Variants in LMTK3 observed in about 807,000 individuals in gnomAD.
The protein encoded by LMTK3 is serine/threonine-protein kinase LMTK3.
In LMTK3, 27 loss-of-function variants were observed where a neutral mutation model predicts 116.7. The ratio of observed to expected loss-of-function variants is 0.23; its 90% CI spans 0.17 to 0.32. The LOEUF is 0.32. Ranked by LOEUF, LMTK3 falls within the 10% of genes least tolerant of loss-of-function variation. LMTK3 has a pLI of 1.00. For missense variants in LMTK3, 1,764 were observed against 2,068.5 expected, an observed-to-expected ratio of 0.85 and a Z score of 2.86; for synonymous variants, 965 against 971.0, an observed-to-expected ratio of 0.99 and a Z score of 0.11.
chr19:48,508,619 G>A (rs1160457607), intron 5 of LMTK3, among the ~76,000 whole-genome samples: 1 of 152,118 alleles, frequency 6.6e-6, no homozygotes, highest in Non-Finnish European at 1.5e-5. Context: ...AGAGGGGAGA[G>A]GAGCAGGCCT....
In LMTK3 at chr19:48,485,523, G is replaced by T; in HGVS notation, c.*250C>A. 1 of 542,670 alleles carries T rather than the reference G, an allele frequency of 1.8e-6. No homozygotes were observed. The highest frequency in any genetic ancestry group is 3.3e-6 in the Non-Finnish European group (1 of 302,168). 33.6% of individuals were successfully genotyped at this position (542,670 alleles called of 1,614,324 possible). On this transcript the variant is annotated 3_prime_UTR_variant, in exon 15 of 15. Coordinates refer to ENST00000600059, the MANE Select transcript of LMTK3 (RefSeq NM_001388485.1). The stretch of plus-strand genomic sequence containing the variant: ...GAGAAAGGCGGCTCTCTATGGAGGG[G>T]CGGGGGGATTCCTGCCTCATTTGGC...
At chr19:48,505,307 T>G (rs993043045) in intron 5 of LMTK3, among the ~76,000 whole-genome samples, 3 of 151,962 alleles carry the variant, frequency 2.0e-5, no homozygotes, top group African/African-American at 7.2e-5. Flanking sequence ...AGAGACGGGA[T>G]TTCACCATGT....
At position 48,499,914 on chromosome 19, in the gene LMTK3, A is replaced by G; in HGVS notation, c.1155T>C (p.Tyr385=). The G allele has an allele frequency of 6.3e-7, 1 of 1,586,834 alleles. No homozygotes were observed. Among genetic ancestry groups the G allele is most frequent in the African/African-American group, 1.3e-5 (1 of 74,618 alleles). ...RLKLPYADYW[Y]DILQSCWRPP... is the part of the protein sequence containing the mutation. ...GCCGCCAGCAGGACTGAAGAATGTC[A>G]TACCTGGGGAGAGGTGGGGCAGAGT... The change falls in exon 11 of 15, where the codon TAT becomes TAC. Residue 385 remains tyrosine (Y), a synonymous_variant. Transcript: ENST00000600059.
chr19:48,506,448 G>T (rs1972572332), intron 5 of LMTK3, among the ~76,000 whole-genome samples: 1 of 152,080 alleles, frequency 6.6e-6, no homozygotes, highest in Non-Finnish European at 1.5e-5. Context: ...GAACATTTCA[G>T]GCTTGCAGCC....
intron 5 of LMTK3, 38 bp from the exon 6 acceptor site, chr19:48,503,034 C>CA: frequency 7.7e-7 from 1 of 1,302,030 alleles, no homozygotes; most frequent in South Asian, 1.2e-5. Context: ...GGAAGGCAGC[C>CA]CCTTCCTCTT....
intron 5 of LMTK3, among the ~76,000 whole-genome samples, chr19:48,506,533 C>T (rs1286985491): frequency 1.3e-5 from 2 of 152,186 alleles, no homozygotes; most frequent in Non-Finnish European, 2.9e-5. Flanking sequence ...GAGGCAGAGC[C>T]ACTTGTGTGC....
At chr19:48,509,967 A>G in intron 3 of LMTK3, 56 bp downstream of exon 3, 1 of 1,594,912 alleles carries the variant, frequency 6.3e-7, no homozygotes, top group Non-Finnish European at 8.6e-7. Flanking sequence ...CACACTCAAC[A>G]TCTTCTGGCC....
intron 12 of LMTK3, 94 bp downstream of exon 12, chr19:48,493,600 T>A: frequency 1.8e-6 from 2 of 1,121,510 alleles, no homozygotes; most frequent in Non-Finnish European, 2.2e-6. Flanking sequence ...CCCGCCCAAC[T>A]CTAAGCTCGG....
At chr19:48,506,122 C>T (rs1451780875) in intron 5 of LMTK3, among the ~76,000 whole-genome samples, 2 of 143,608 alleles carry the variant, frequency 1.4e-5, no homozygotes, top group Non-Finnish European at 3.0e-5. Context: ...AGCCTGACAA[C>T]AGAGCAAGAC....
rs769026208 is a variant in LMTK3, at chr19:48,498,326, G to T, written c.2743C>A (p.Gln915Lys). ...ACTGGGAGGCTCAGGCTTGGGGCTTGTTTCCCGTTGCCCAGGACTGTCGGG... is the reference window on the plus strand; with the variant it reads ...ACTGGGAGGCTCAGGCTTGGGGCTTTTTTCCCGTTGCCCAGGACTGTCGGG... ...RDPTVLGNGKQAPSLSLPVNG... is the reference protein window; with the variant it reads ...RDPTVLGNGKKAPSLSLPVNG... Residue 915 changes from glutamine to lysine, a missense_variant, in exon 11 of 15, where the codon CAA becomes AAA. By Grantham distance (53) the Gln-to-Lys change is moderately conservative. Transcript: ENST00000600059. 6.2e-7 allele frequency: 1 copy of T among 1,613,256 alleles called. No homozygotes were observed. The highest frequency in any genetic ancestry group is 2.2e-5 in the East Asian group (1 of 44,840).
At chr19:48,502,701 G>T in intron 6 of LMTK3, 120 bp from the exon 7 acceptor site, 1 of 1,218,506 alleles carries the variant, frequency 8.2e-7, no homozygotes. Context: ...AGTTTCCTCT[G>T]CTGCTTGCAG....
rs774949770 is a variant in LMTK3, at chr19:48,509,478, G to C, written c.397C>G (p.Leu133Val). Residue 133 changes from leucine (L) to valine (V), a missense_variant, in exon 4 of 15, where the codon CTG (leucine) becomes GTG (valine). Leu to Val is a conservative substitution (Grantham distance 32, BLOSUM62 1). Transcript: ENST00000600059. ...TTPLGLSRQHLSYLQEIGSGW... is the reference protein window; with the variant it reads ...TTPLGLSRQHVSYLQEIGSGW... Reference sequence around the variant, plus strand: ...CTCCCAATCTCCTGCAGGTAGCTCAGGTGCTGCCGGCTAAGGCCCAGGGGG... The same window carrying C: ...CTCCCAATCTCCTGCAGGTAGCTCACGTGCTGCCGGCTAAGGCCCAGGGGG... 5.1e-6 allele frequency: 8 copies of C among 1,560,542 alleles called. No individual in the cohort carries two copies. In the East Asian group the frequency reaches 1.4e-4, roughly 28 times the overall value.
intron 3 of LMTK3, 97 bp downstream of exon 3, chr19:48,509,926 C>G: frequency 7.1e-7 from 1 of 1,400,866 alleles, no homozygotes; most frequent in East Asian, 2.4e-5. Context: ...TTGGCTGCCG[C>G]TGGTCTCAAC....
chr19:48,509,329 G>A, intron 4 of LMTK3, 108 bp downstream of exon 4: 1 of 999,424 alleles, frequency 1.0e-6, no homozygotes, highest in Non-Finnish European at 1.5e-6. Context: ...GGGGCATGGG[G>A]AGGAGGCGAG....
At chr19:48,509,018 G>A in intron 4 of LMTK3, 49 bp from the exon 5 acceptor site, 1 of 1,303,686 alleles carries the variant, frequency 7.7e-7, no homozygotes, top group Non-Finnish European at 1.1e-6. Flanking sequence ...CCCCAGCCCC[G>A]TCCCCTGGGA....
At chr19:48,496,424 G>A (rs1427128167) in intron 11 of LMTK3, among the ~76,000 whole-genome samples, 1 of 151,282 alleles carries the variant, frequency 6.6e-6, no homozygotes. Flanking sequence ...TCAGCCTTCC[G>A]AGTAGCTGGG....
In LMTK3 at chr19:48,497,571, C is replaced by T; in HGVS notation, c.3498G>A (p.Pro1166=). 3.7e-6 allele frequency: 5 copies of T among 1,351,710 alleles called. No individual in the cohort carries two copies. Among genetic ancestry groups the T allele is most frequent in the Non-Finnish European group, 1.9e-6 (2 of 1,050,860 alleles). 83.7% of individuals were successfully genotyped at this position (1,351,710 alleles called of 1,614,324 possible). The change falls in exon 11 of 15, where the codon CCG becomes CCA. Residue 1166 remains proline, a synonymous_variant. Coordinates refer to ENST00000600059, the MANE Select transcript of LMTK3 (RefSeq NM_001388485.1). The surrounding 1 kb of genome is among the most constrained non-coding windows in gnomAD (Gnocchi z 5.7). ...CGGGGGCCACCTCCGGCCTGGCTCT[C>T]GGGGGCGCTGGCTCCAGCCTCCTCG... is the stretch of plus-strand genomic sequence containing the variant. The part of the protein sequence containing the change: ...AQPRRLEPAP[P]RARPEVAPEG...
chr19:48,486,952 G>A (rs758011464), intron 14 of LMTK3, among the ~76,000 whole-genome samples: 9 of 151,710 alleles, frequency 5.9e-5, no homozygotes, highest in South Asian at 2.1e-4. Context: ...TGAAACCTTC[G>A]CCTCCTGGAT....
At chr19:48,487,094 G>A (rs1232011986) in intron 14 of LMTK3, among the ~76,000 whole-genome samples, 1 of 149,784 alleles carries the variant, frequency 6.7e-6, no homozygotes, top group Non-Finnish European at 1.5e-5. Context: ...GAGTACAGTG[G>A]CACGATCTTG....
Sources: allele counts gnomAD v4.1 joint callset (sites outside exome capture counted in the v4.1 genomes callset), GRCh38; gene constraint gnomAD v4.1.1; non-coding constraint Gnocchi (gnomAD v3.1); transcripts MANE v1.5; gene names NCBI Gene and HGNC (gene_info 2026-07-23, HGNC 2026-07-21).